Variants in PCDHA6 observed in about 807,000 individuals in gnomAD.
The protein encoded by PCDHA6 is protocadherin alpha 6.
PCDHA6 carries 55 observed loss-of-function variants against 60.3 expected under a neutral mutation model. The ratio of observed to expected loss-of-function variants is 0.91; its 90% confidence interval spans 0.73 to 1.14. The LOEUF is 1.14. Among genes scored for constraint, PCDHA6 ranks in the 50% most tolerant of loss-of-function variants. The probability of loss-of-function intolerance (pLI) is 0.00; values close to 1 mark genes in which losing one functional copy is unlikely to be tolerated. For missense variants in PCDHA6, 1,327 were observed against 1,256.5 expected (o/e 1.06, Z -0.85); for synonymous variants, 652 against 557.9 (o/e 1.17, Z -2.38).
At position 140,850,923 on chromosome 5, in the gene PCDHA6, AT is replaced by A. The variant is rs2150502772; in HGVS notation, c.2394+20446del. 1.2e-4 allele frequency: 181 copies of A among 1,521,692 alleles called. 10 individuals carry two copies. The South Asian group carries it at 1.6e-3, about 13-fold the overall frequency. 94.3% of individuals were successfully genotyped at this position (1,521,692 alleles called of 1,614,324 possible). ...TTCTAGCATTTTATTTATTTATATAATTTTTTTTCTTGAAAGATATTATCGA... is the reference window on the plus strand; with the variant it reads ...TTCTAGCATTTTATTTATTTATATAATTTTTTTCTTGAAAGATATTATCGA... On this transcript the variant is annotated intron_variant, in intron 1 of 3. Coordinates refer to ENST00000529310, the MANE Select transcript of PCDHA6 (RefSeq NM_018909.4).
intron 1 of PCDHA6, chr5:140,856,680 T>C: frequency 6.3e-7 from 1 of 1,596,810 alleles, no homozygotes. Context: ...AAGTTGTTGT[T>C]GACAGCAACT....
intron 1 of PCDHA6, among the ~76,000 whole-genome samples, chr5:140,872,175 T>A (rs1402825591): frequency 6.6e-5 from 10 of 152,228 alleles, no homozygotes; most frequent in African/African-American, 2.4e-4. Context: ...CTTTTTTTTT[T>A]TTACAGTGTT....
intron 3 of PCDHA6, among the ~76,000 whole-genome samples, chr5:140,991,587 C>T (rs1469333893): frequency 1.3e-5 from 2 of 152,208 alleles, no homozygotes; most frequent in African/African-American, 2.4e-5. Flanking sequence ...CTTATTTCTA[C>T]CTGAGCCCTC....
At chr5:140,989,777 A>G (rs1406464822) in intron 3 of PCDHA6, among the ~76,000 whole-genome samples, 2 of 152,230 alleles carry the variant, frequency 1.3e-5, no homozygotes, top group African/African-American at 4.8e-5. Context: ...AGCACTGGCT[A>G]GAGACTAGAG....
intron 3 of PCDHA6, among the ~76,000 whole-genome samples, chr5:140,987,825 G>A (rs1181525478): frequency 1.3e-5 from 2 of 151,894 alleles, no homozygotes; most frequent in Admixed American, 1.3e-4. Flanking sequence ...GTTTCCTTAG[G>A]GGATTGCTTT....
Position 140,875,563 on chromosome 5 carries a change from C to T in PCDHA6, c.2394+45078C>T, listed in dbSNP as rs1554167760. The T allele has an allele frequency of 3.1e-6, 5 of 1,614,014 alleles. No homozygotes were observed. The Admixed American group carries it at 8.3e-5, about 27-fold the overall frequency. ...AGCCTGGGAGGTGGGGAGCGGCCAG[C>T]TCCACTACTCCGTCTACGAGGAGGC... On this transcript the variant is annotated intron_variant, in intron 1 of 3. Transcript: ENST00000529310.
chr5:140,836,564 C>T (rs1774574091), intron 1 of PCDHA6: 5 of 1,613,738 alleles, frequency 3.1e-6, no homozygotes, highest in Non-Finnish European at 4.2e-6. Context: ...CAGCGCCGTC[C>T]TCTGAGGGCG....
At chr5:140,883,074 C>T (rs1554176634) in intron 1 of PCDHA6, 2 of 1,614,042 alleles carry the variant, frequency 1.2e-6, no homozygotes, top group Admixed American at 3.3e-5. Context: ...GCCACAGATC[C>T]TGATGATGGT....
intron 1 of PCDHA6, chr5:140,857,025 A>G: frequency 6.3e-7 from 1 of 1,596,330 alleles, no homozygotes; most frequent in Non-Finnish European, 8.6e-7. Flanking sequence ...GATAAGGGAA[A>G]CCCACCTATG....
At position 140,830,083 on chromosome 5, in the gene PCDHA6, G is replaced by T. The variant is rs141570762; in HGVS notation, c.1992G>T (p.Thr664=). 19 of 1,613,578 alleles carry T rather than the reference G, an allele frequency of 1.2e-5. No homozygotes were observed. Among genetic ancestry groups the T allele is most frequent in the Non-Finnish European group, 1.4e-5 (16 of 1,179,884 alleles). ...HGEPALTATA[T]VLVSLVESGQ... is the part of the protein sequence containing the mutation. ...AGCCGGCGCTGACAGCGACGGCCAC[G>T]GTTCTGGTGTCGCTGGTGGAGAGTG... Residue 664 remains threonine, a synonymous_variant, in exon 1 of 4, where the codon ACG becomes ACT. Coordinates refer to ENST00000529310, the MANE Select transcript of PCDHA6 (RefSeq NM_018909.4).
At position 140,858,109 on chromosome 5, in the gene PCDHA6, C is replaced by G. The variant is rs782526722; in HGVS notation, c.2394+27624C>G. 17 of 1,597,646 alleles carry G rather than the reference C, an allele frequency of 1.1e-5. 1 individual carries two copies. The highest frequency in any genetic ancestry group is 1.2e-5 in the Non-Finnish European group (14 of 1,167,662). ...CGCGGGCTTCAGTGGGCGTGGCGCC[C>G]GAGGTGGCCCTGGTGGATGTCAACG... On this transcript the variant is annotated intron_variant, in intron 1 of 3. Transcript: ENST00000529310.
intron 1 of PCDHA6, among the ~76,000 whole-genome samples, chr5:140,951,897 G>A (rs2094651245): frequency 6.6e-6 from 1 of 152,106 alleles, no homozygotes; most frequent in Non-Finnish European, 1.5e-5. Context: ...CTGCCTATGA[G>A]CCTGTAAAAT....
chr5:140,914,302 A>G (rs1168032612), intron 1 of PCDHA6, among the ~76,000 whole-genome samples: 4 of 152,144 alleles, frequency 2.6e-5, no homozygotes, highest in African/African-American at 9.7e-5. Context: ...CTCTTGCTGA[A>G]TTGACCCCAT....
At chr5:140,881,650 T>C (rs508730) in intron 1 of PCDHA6, among the ~76,000 whole-genome samples, 2,267 of 152,332 alleles carry the variant, frequency 0.015, 53 homozygotes, top group African/African-American at 0.052. Flanking sequence ...ATTTTTCACC[T>C]TCACCGATTT....
At chr5:140,994,394 T>G (rs1332946220) in intron 3 of PCDHA6, among the ~76,000 whole-genome samples, 3 of 152,110 alleles carry the variant, frequency 2.0e-5, no homozygotes, top group African/African-American at 7.2e-5. Flanking sequence ...AGTCAGAGAT[T>G]ATTTGACATT....
At chr5:140,865,963 C>A (rs182783301) in intron 1 of PCDHA6, 23 of 152,226 alleles carry the variant, frequency 1.5e-4, no homozygotes, top group Non-Finnish European at 3.1e-4. Flanking sequence ...TAATTTTGTA[C>A]AATGTGTGAT....
Position 141,010,115 on chromosome 5 carries a change from C to A in PCDHA6, c.*178C>A, listed in dbSNP as rs1037998611. 1.2e-6 allele frequency: 2 copies of A among 1,609,682 alleles called. No individual in the cohort carries two copies. The highest frequency in any genetic ancestry group is 2.2e-5 in the South Asian group (2 of 90,640). ...CATTTAACAGGTTTTGTCGTAAAAG[C>A]TTTACTAAGTCTGGTGTTAACTCTT... On this transcript the variant is annotated 3_prime_UTR_variant, in exon 4 of 4. Transcript: ENST00000529310.
intron 1 of PCDHA6, among the ~76,000 whole-genome samples, chr5:140,895,301 C>T (rs2064953096): frequency 6.6e-6 from 1 of 152,000 alleles, no homozygotes; most frequent in Non-Finnish European, 1.5e-5. Flanking sequence ...TCGATTTCCC[C>T]CCTTCCACCC....
intron 1 of PCDHA6, among the ~76,000 whole-genome samples, chr5:140,904,827 T>A (rs1554191731): frequency 2.0e-5 from 3 of 152,064 alleles, no homozygotes; most frequent in African/African-American, 7.2e-5. Context: ...AGCATTTTTT[T>A]ATATGTTTCA....
Sources: allele counts gnomAD v4.1 joint callset (sites outside exome capture counted in the v4.1 genomes callset), GRCh38; gene constraint gnomAD v4.1.1; transcripts MANE v1.5; gene names NCBI Gene and HGNC (gene_info 2026-07-23, HGNC 2026-07-21).